Variants in DCLK2 observed in about 807,000 individuals in gnomAD.
DCLK2 encodes the protein serine/threonine-protein kinase DCLK2.
Under a neutral mutation model 78.4 loss-of-function variants are expected in DCLK2, and 31 were observed. The observed-to-expected ratio is 0.40, with a 90% CI of 0.30 to 0.53. The LOEUF (loss-of-function observed/expected upper bound fraction) is 0.53, where lower values mean the gene tolerates loss of function less well. DCLK2 is among the 20% of genes least tolerant of loss of function. The pLI, the probability that DCLK2 is intolerant of heterozygous loss-of-function variation, is 0.61. For synonymous variants in DCLK2, 407 were observed against 374.9 expected (o/e 1.09, Z -0.99); for missense variants, 872 against 973.7 (o/e 0.90, Z 1.39).
At chr4:150,222,879 A>C (rs1276179501) in intron 7 of DCLK2, among the ~76,000 whole-genome samples, 1 of 152,058 alleles carries the variant, frequency 6.6e-6, no homozygotes, top group African/African-American at 2.4e-5. Context: ...AAAAAAAAAA[A>C]AATCACAATC....
chr4:150,193,265 A>T lies in DCLK2; in HGVS notation c.859+25A>T, dbSNP rs780058057. ...GGTAAGGCAATTCTTCAGCTAATTC[A>T]TTTTTCCATCTTTGTAACCCCTGAA... is the stretch of plus-strand genomic sequence containing the variant. On this transcript the variant is annotated intron_variant, in intron 3 of 15. Coordinates refer to ENST00000296550, the MANE Select transcript of DCLK2 (RefSeq NM_001040260.4). 82 of 1,476,140 alleles carry T rather than the reference A, an allele frequency of 5.6e-5. 2 individuals carry two copies. The East Asian group carries it at 1.9e-3, about 33-fold the overall frequency. 91.4% of individuals were successfully genotyped at this position (1,476,140 alleles called of 1,614,324 possible). A position where few individuals can be genotyped will look rare whatever the true frequency, so the allele number is the denominator to read the frequency against.
chr4:150,174,365 G>A (rs772990767), intron 2 of DCLK2, among the ~76,000 whole-genome samples: 12 of 152,128 alleles, frequency 7.9e-5, no homozygotes, highest in Non-Finnish European at 1.3e-4. Flanking sequence ...GTCAGGAAGA[G>A]TATAGAGGCA....
chr4:150,158,751 G>T (rs923849821), intron 2 of DCLK2, among the ~76,000 whole-genome samples: 6 of 152,106 alleles, frequency 3.9e-5, no homozygotes, highest in African/African-American at 1.2e-4. Context: ...AGAAAAAACT[G>T]CACAGGAAAG....
chr4:150,190,980 G>A (rs1580684410), intron 2 of DCLK2, among the ~76,000 whole-genome samples: 1 of 152,012 alleles, frequency 6.6e-6, no homozygotes, highest in Non-Finnish European at 1.5e-5. Flanking sequence ...TTAAGATTTA[G>A]CTAGGCATGG....
chr4:150,159,992 CTT>C (rs34422399), intron 2 of DCLK2, among the ~76,000 whole-genome samples: 3 of 146,926 alleles, frequency 2.0e-5, no homozygotes, highest in Admixed American at 1.4e-4. Context: ...TCTTTGATGA[CTT>C]TTTTTTTTTT....
chr4:150,079,171 G>A lies in DCLK2; in HGVS notation c.144G>A (p.Pro48=), dbSNP rs1729046145. ...AGGGGAACGGGCTCATCCCCAGTCC[G>A]GCGCACAGTGCCCACTGCAGCTTCT... ...GPKGNGLIPS[P]AHSAHCSFYR... The change falls in exon 1 of 16, where the codon CCG becomes CCA. Residue 48 remains proline, a synonymous_variant. Coordinates refer to ENST00000296550, the MANE Select transcript of DCLK2 (RefSeq NM_001040260.4). 6.2e-7 allele frequency: 1 copy of A among 1,608,830 alleles called. No individual in the cohort carries two copies. The highest frequency in any genetic ancestry group is 1.3e-5 in the African/African-American group (1 of 74,838).
intron 11 of DCLK2, 114 bp from the exon 12 acceptor site, chr4:150,240,285 A>G (rs1486391742): frequency 6.3e-5 from 56 of 882,234 alleles, no homozygotes; most frequent in Non-Finnish European, 9.0e-5. Context: ...AATGAAATGA[A>G]TAATTTAACA....
chr4:150,229,882 A>G (rs566326972), intron 8 of DCLK2, among the ~76,000 whole-genome samples: 73 of 152,360 alleles, frequency 4.8e-4, no homozygotes, highest in African/African-American at 1.7e-3. Flanking sequence ...TATTATATTT[A>G]GAAATATTCT....
Position 150,102,642 on chromosome 4 carries a change from C to A in DCLK2, c.586C>A (p.Pro196Thr). Reference sequence around the variant, plus strand: ...AAAAGAAAGTAAAGATTTCATCAAACCCAAGTTAGTGACTGTGATTCGAAG... The same window carrying A: ...AAAAGAAAGTAAAGATTTCATCAAAACCAAGTTAGTGACTGTGATTCGAAG... ...EVKESKDFIKPKLVTVIRSGV... is the reference protein window; with the variant it reads ...EVKESKDFIKTKLVTVIRSGV... Residue 196 changes from proline (P) to threonine (T), a missense_variant, in exon 2 of 16, where the codon CCC becomes ACC. Coordinates refer to ENST00000296550, the MANE Select transcript of DCLK2 (RefSeq NM_001040260.4). The A allele has an allele frequency of 6.2e-7, 1 of 1,614,158 alleles. No individual in the cohort carries two copies. The highest frequency in any genetic ancestry group is 8.5e-7 in the Non-Finnish European group (1 of 1,180,018).
chr4:150,130,249 TATTTGATGAGGAAATCTAAAACAC>T (rs1262570150), intron 2 of DCLK2, among the ~76,000 whole-genome samples: 2 of 152,060 alleles, frequency 1.3e-5, no homozygotes. Context: ...CATCAAACTC[TATTTGATGAGGAAATCTAAAACAC>T]ATAATGAGAG....
chr4:150,089,610 G>A (rs1729904721), intron 1 of DCLK2, among the ~76,000 whole-genome samples: 1 of 152,148 alleles, frequency 6.6e-6, no homozygotes, highest in South Asian at 2.1e-4. Flanking sequence ...CAGAAGCCAA[G>A]TATTGCCTTA....
chr4:150,235,138 C>T (rs1285774694), intron 10 of DCLK2, among the ~76,000 whole-genome samples: 2 of 152,164 alleles, frequency 1.3e-5, no homozygotes, highest in African/African-American at 4.8e-5. Flanking sequence ...TCCAACAGCC[C>T]TGATTTAAGG....
At chr4:150,140,888 A>C (rs1734063449) in intron 2 of DCLK2, among the ~76,000 whole-genome samples, 2 of 152,242 alleles carry the variant, frequency 1.3e-5, no homozygotes, top group Admixed American at 1.3e-4. Flanking sequence ...AGAATGTATA[A>C]AGAAGTTGGA....
intron 1 of DCLK2, among the ~76,000 whole-genome samples, chr4:150,086,696 T>C (rs1029122225): frequency 6.6e-6 from 1 of 152,028 alleles, no homozygotes; most frequent in East Asian, 1.9e-4. Flanking sequence ...TTAGTAGAGA[T>C]GGGTTTTCAC....
At chr4:150,205,211 C>A (rs1739763193) in intron 5 of DCLK2, among the ~76,000 whole-genome samples, 1 of 152,160 alleles carries the variant, frequency 6.6e-6, no homozygotes, top group South Asian at 2.1e-4. Context: ...CAGCCTCTGA[C>A]ACCTTCAGAG....
At chr4:150,204,781 A>C (rs1238714858) in intron 5 of DCLK2, among the ~76,000 whole-genome samples, 1 of 151,796 alleles carries the variant, frequency 6.6e-6, no homozygotes, top group Admixed American at 6.6e-5. Flanking sequence ...AATCCCAGCT[A>C]CTCTGTGGGC....
At chr4:150,121,730 G>A (rs534872129) in intron 2 of DCLK2, among the ~76,000 whole-genome samples, 4 of 152,266 alleles carry the variant, frequency 2.6e-5, no homozygotes, top group African/African-American at 7.2e-5. Flanking sequence ...CAGAAGAATC[G>A]CTACGGCAAG....
chr4:150,250,457 G>A (rs1743683230), intron 15 of DCLK2, among the ~76,000 whole-genome samples: 1 of 152,074 alleles, frequency 6.6e-6, no homozygotes, highest in Admixed American at 6.5e-5. Context: ...AGCTCACCGT[G>A]AGCAGGTAGA....
At chr4:150,093,654 T>C (rs1730256805) in intron 1 of DCLK2, among the ~76,000 whole-genome samples, 1 of 152,180 alleles carries the variant, frequency 6.6e-6, no homozygotes, top group Admixed American at 6.5e-5. Context: ...AGTGCTGGGA[T>C]TACAGGCATA....
Sources: allele counts gnomAD v4.1 joint callset (sites outside exome capture counted in the v4.1 genomes callset), GRCh38; gene constraint gnomAD v4.1.1; transcripts MANE v1.5; gene names NCBI Gene and HGNC (gene_info 2026-07-23, HGNC 2026-07-21).